Variants in PCDH11X observed in about 807,000 individuals in gnomAD.
PCDH11X encodes the protein protocadherin-11 X-linked.
A neutral mutation model predicts 53.3 loss-of-function variants in PCDH11X; 18 were observed. The observed-to-expected ratio is 0.34, with a 90% CI of 0.23 to 0.50. PCDH11X has a LOEUF of 0.50. Ranked by LOEUF, PCDH11X falls within the 20% of genes least tolerant of loss-of-function variation. PCDH11X has a pLI of 0.98. For synonymous variants in PCDH11X, 279 were observed against 393.3 expected (o/e 0.71, Z 3.44); for missense variants, 570 against 1,032.4 (o/e 0.55, Z 6.14).
rs765669364 is a variant in PCDH11X, at chrX:91,956,206, A to G, written c.3033+76933A>G. Reference sequence around the variant, plus strand: ...TACCAATGGGTTTGGCTCTTTATCCATCTTGCCATTCTGTGTCTTTTAATT... The same window carrying G: ...TACCAATGGGTTTGGCTCTTTATCCGTCTTGCCATTCTGTGTCTTTTAATT... On this transcript the variant is annotated intron_variant, in intron 6 of 10. Coordinates refer to ENST00000682573, the MANE Select transcript of PCDH11X (RefSeq NM_032968.5). Among the ~76,000 whole-genome samples the G allele has an allele frequency of 1.0e-3, 116 of 110,666 alleles. 1 individual carries two copies. Among genetic ancestry groups the G allele is most frequent in the Non-Finnish European group, 1.7e-3 (89 of 52,857 alleles).
intron 6 of PCDH11X, among the ~76,000 whole-genome samples, chrX:92,115,969 T>A (rs1039846720): frequency 9.1e-6 from 1 of 109,633 alleles, no homozygotes; most frequent in African/African-American, 3.3e-5. Flanking sequence ...ATCACAGATT[T>A]CTACTACTAA....
At chrX:92,256,640 C>A (rs1485944306) in intron 7 of PCDH11X, among the ~76,000 whole-genome samples, 2 of 111,318 alleles carry the variant, frequency 1.8e-5, no homozygotes, top group Non-Finnish European at 3.8e-5. Flanking sequence ...TGGTTTGCTG[C>A]ACAGATCATC....
rs1237478704 is a variant in PCDH11X, at chrX:91,843,377, T to A, written c.540+7333T>A. 2.9e-5 allele frequency among the ~76,000 whole-genome samples: 3 copies of A among 104,780 alleles called. No individual in the cohort carries two copies. In the East Asian group the frequency reaches 9.0e-4, roughly 32 times the overall value. 91.0% of individuals were successfully genotyped at this position (104,780 alleles called of 115,157 possible). ...CAGGCTAGAGTGCAGTGGCACGATC[T>A]CGGCTTACTGCAACCTCCACCTCCT... On this transcript the variant is annotated intron_variant, in intron 5 of 10. Coordinates refer to ENST00000682573, the MANE Select transcript of PCDH11X (RefSeq NM_032968.5).
chrX:92,351,401 T>G (rs1417662596), intron 8 of PCDH11X, among the ~76,000 whole-genome samples: 9 of 111,687 alleles, frequency 8.1e-5, no homozygotes, highest in Non-Finnish European at 1.7e-4. Context: ...TTGGAAATAT[T>G]TTATATCACC....
At chrX:92,006,077 G>T (rs1179570717) in intron 6 of PCDH11X, among the ~76,000 whole-genome samples, 1 of 110,350 alleles carries the variant, frequency 9.1e-6, no homozygotes, top group East Asian at 2.9e-4. Flanking sequence ...TAAATGGCTT[G>T]AGGTAACCTT....
chrX:91,805,901 G>T (rs1415932276), intron 1 of PCDH11X, among the ~76,000 whole-genome samples: 1 of 109,588 alleles, frequency 9.1e-6, no homozygotes, highest in Non-Finnish European at 1.9e-5. Context: ...CAAATAAAAA[G>T]AAAATAATAT....
intron 8 of PCDH11X, among the ~76,000 whole-genome samples, chrX:92,306,824 C>A (rs1232544384): frequency 9.0e-6 from 1 of 110,874 alleles, no homozygotes; most frequent in Non-Finnish European, 1.9e-5. Flanking sequence ...GTCGTGCGTG[C>A]CTGTAATCCC....
At chrX:92,100,764 G>T (rs111541516) in intron 6 of PCDH11X, among the ~76,000 whole-genome samples, 1 of 109,199 alleles carries the variant, frequency 9.2e-6, no homozygotes, top group African/African-American at 3.5e-5. Context: ...TTTTGGGGGG[G>T]TGGTATGGAG....
At chrX:92,336,336 T>C (rs1001117358) in intron 8 of PCDH11X, among the ~76,000 whole-genome samples, 1 of 111,707 alleles carries the variant, frequency 9.0e-6, no homozygotes, top group African/African-American at 3.2e-5. Flanking sequence ...TTTCAAGATA[T>C]TTCAAGATTT....
chrX:91,824,188 G>A (rs373385626), intron 4 of PCDH11X, among the ~76,000 whole-genome samples: 20 of 110,854 alleles, frequency 1.8e-4, no homozygotes, highest in South Asian at 7.7e-4. Flanking sequence ...TCTTTGTGGC[G>A]TTCTCTGTAT....
intron 8 of PCDH11X, among the ~76,000 whole-genome samples, chrX:92,288,977 A>T (rs181717975): frequency 4.0e-4 from 45 of 111,637 alleles, no homozygotes; most frequent in Admixed American, 2.5e-3. Context: ...TTATTTAAGA[A>T]TTATGAATCA....
intron 8 of PCDH11X, among the ~76,000 whole-genome samples, chrX:92,287,650 T>C (rs1157479023): frequency 1.8e-5 from 2 of 112,099 alleles, no homozygotes; most frequent in African/African-American, 6.5e-5. Context: ...TTTTCTTTTG[T>C]TTTAAGCTTT....
chrX:92,392,267 A>G (rs2071146719), intron 9 of PCDH11X, among the ~76,000 whole-genome samples: 1 of 111,459 alleles, frequency 9.0e-6, no homozygotes. Context: ...AGGGCTAAAA[A>G]ATTATATGTT....
chrX:92,274,121 A>T (rs1188530549), intron 8 of PCDH11X, among the ~76,000 whole-genome samples: 2 of 101,477 alleles, frequency 2.0e-5, no homozygotes, highest in African/African-American at 7.7e-5. Context: ...GTCGAATGAG[A>T]CTGGGGCCTA....
intron 10 of PCDH11X, among the ~76,000 whole-genome samples, chrX:92,575,647 T>C (rs1267117273): frequency 9.3e-6 from 1 of 107,617 alleles, no homozygotes; most frequent in Admixed American, 1.0e-4. Context: ...AACTATAGAT[T>C]AAATTCAATT....
intron 1 of PCDH11X, among the ~76,000 whole-genome samples, chrX:91,782,892 T>G (rs897065936): frequency 1.3e-4 from 14 of 111,526 alleles, no homozygotes; most frequent in Admixed American, 3.8e-4. Context: ...CAATTCCTTC[T>G]TTAGCTTTGG....
intron 7 of PCDH11X, among the ~76,000 whole-genome samples, chrX:92,242,803 C>T (rs1025713154): frequency 9.0e-6 from 1 of 110,627 alleles, no homozygotes; most frequent in African/African-American, 3.3e-5. Context: ...ATTTAGCATT[C>T]TGATAGATGT....
chrX:91,795,389 T>C (rs1298452675), intron 1 of PCDH11X, among the ~76,000 whole-genome samples: 5 of 110,552 alleles, frequency 4.5e-5, no homozygotes, highest in Non-Finnish European at 7.6e-5. Context: ...GTCACATCTT[T>C]CACCACAGTA....
chrX:92,525,394 G>A lies in PCDH11X; in HGVS notation c.3367+57072G>A, dbSNP rs776452067. Among the ~76,000 whole-genome samples, 11 of 111,123 alleles carry A rather than the reference G, an allele frequency of 9.9e-5. No individual in the cohort carries two copies. In the East Asian group the frequency reaches 3.1e-3, roughly 32 times the overall value. Reference sequence around the variant, plus strand: ...GCCTGTAATCCCAGCACTTTGGGAGGCTGAGGTGGGTGGATCACCTGAGGT... The same window carrying A: ...GCCTGTAATCCCAGCACTTTGGGAGACTGAGGTGGGTGGATCACCTGAGGT... On this transcript the variant is annotated intron_variant, in intron 10 of 10. Coordinates refer to ENST00000682573, the MANE Select transcript of PCDH11X (RefSeq NM_032968.5).
Sources: gnomAD v4.1 joint callset for allele counts (sites outside exome capture counted in the v4.1 genomes callset) on GRCh38, gnomAD v4.1.1 for gene constraint, MANE v1.5 for transcripts, NCBI Gene and HGNC (gene_info 2026-07-23, HGNC 2026-07-21) for gene names.